TNKS: variants seen among roughly 807,000 people sequenced by gnomAD.
TNKS encodes tankyrase.
A neutral mutation model predicts 135.8 loss-of-function variants in TNKS; 72 were observed. The ratio of observed to expected loss-of-function variants is 0.53; its 90% confidence interval spans 0.44 to 0.64. The LOEUF is 0.64. TNKS is among the 30% of genes least tolerant of loss of function. TNKS has a pLI of 0.00. For missense variants in TNKS, 1,769 were observed against 1,674.0 expected (o/e 1.06, Z -0.99); for synonymous variants, 849 against 649.3 (o/e 1.31, Z -4.68).
At chr8:9,763,557 A>G (rs1002891661) in intron 22 of TNKS, among the ~76,000 whole-genome samples, 1 of 152,236 alleles carries the variant, frequency 6.6e-6, no homozygotes, top group African/African-American at 2.4e-5. Context: ...CCACCTAAGA[A>G]TGACATAGAA....
At chr8:9,674,063 T>G (rs1802427035) in intron 3 of TNKS, among the ~76,000 whole-genome samples, 1 of 152,244 alleles carries the variant, frequency 6.6e-6, no homozygotes, top group Non-Finnish European at 1.5e-5. Context: ...CAGGTACTAC[T>G]TTTTATAACA....
At chr8:9,727,827 G>A (rs563796785) in intron 13 of TNKS, among the ~76,000 whole-genome samples, 2 of 152,208 alleles carry the variant, frequency 1.3e-5, no homozygotes, top group East Asian at 1.9e-4. Flanking sequence ...TCCAACTTAC[G>A]ATAGCATCTA....
Position 9,767,867 on chromosome 8 carries a change from G to A in TNKS, c.3740+1442G>A, listed in dbSNP as rs566308199. Among the ~76,000 whole-genome samples the A allele has an allele frequency of 1.3e-3, 202 of 151,368 alleles. 1 individual carries two copies. The highest frequency in any genetic ancestry group is 4.0e-3 in the South Asian group (19 of 4,798). On this transcript the variant is annotated intron_variant, in intron 25 of 26. Coordinates refer to ENST00000310430, the MANE Select transcript of TNKS (RefSeq NM_003747.3). ...CAAGCTACTCGGGAGGCTGAGGCAG[G>A]AGAATGGTGAGTACCCAGGAGGCGG...
In TNKS at chr8:9,780,008, G is replaced by C. The variant is rs930379254; in HGVS notation, c.*3272G>C. The C allele has an allele frequency of 6.6e-6, 1 of 152,210 alleles. No individual in the cohort carries two copies. Among genetic ancestry groups the C allele is most frequent in the Non-Finnish European group, 1.5e-5 (1 of 68,032 alleles). The allele number at this position is 152,210 out of a possible 1,614,324, so 9.4% of individuals were successfully genotyped here. ...CTCTCAAAATACAAAGTGCATTGAAGTATACAGAGAAATGCCTGAATATGG... is the reference window on the plus strand; with the variant it reads ...CTCTCAAAATACAAAGTGCATTGAACTATACAGAGAAATGCCTGAATATGG... On this transcript the variant is annotated 3_prime_UTR_variant, in exon 27 of 27. Coordinates refer to ENST00000310430, the MANE Select transcript of TNKS (RefSeq NM_003747.3).
intron 3 of TNKS, among the ~76,000 whole-genome samples, chr8:9,631,456 T>A (rs927055257): frequency 5.9e-5 from 9 of 152,240 alleles, no homozygotes; most frequent in Non-Finnish European, 1.5e-5. Flanking sequence ...AATTATTCTA[T>A]AAAATAAGTT....
chr8:9,691,081 T>C (rs1291867633), intron 5 of TNKS, among the ~76,000 whole-genome samples: 1 of 152,178 alleles, frequency 6.6e-6, no homozygotes, highest in Non-Finnish European at 1.5e-5. Flanking sequence ...TAAGAAGGGA[T>C]ATTGACCAAC....
intron 3 of TNKS, among the ~76,000 whole-genome samples, chr8:9,659,555 A>T (rs1231499154): frequency 1.3e-5 from 2 of 152,208 alleles, no homozygotes; most frequent in African/African-American, 4.8e-5. Flanking sequence ...AAGACACAAC[A>T]TACCAGAATC....
chr8:9,588,528 G>C (rs934599944), intron 2 of TNKS, among the ~76,000 whole-genome samples: 1 of 152,110 alleles, frequency 6.6e-6, no homozygotes, highest in Non-Finnish European at 1.5e-5. Flanking sequence ...CGCCCACCTC[G>C]GCGTTCCAAA....
intron 17 of TNKS, among the ~76,000 whole-genome samples, chr8:9,747,261 C>A (rs1003213501): frequency 1.5e-5 from 2 of 137,846 alleles, no homozygotes; most frequent in African/African-American, 5.3e-5. Context: ...CCCCTCCTTC[C>A]CCCCCTCAAA....
chr8:9,585,426 G>C (rs1031207241), intron 2 of TNKS, among the ~76,000 whole-genome samples: 1 of 152,124 alleles, frequency 6.6e-6, no homozygotes, highest in Non-Finnish European at 1.5e-5. Flanking sequence ...AACCTATCTT[G>C]AGATTGAAAA....
intron 1 of TNKS, among the ~76,000 whole-genome samples, chr8:9,563,743 G>C (rs564361063): frequency 2.0e-5 from 3 of 152,170 alleles, no homozygotes; most frequent in African/African-American, 7.2e-5. Context: ...TTTAGCTAGT[G>C]TTAAAATAAT....
intron 11 of TNKS, among the ~76,000 whole-genome samples, chr8:9,719,443 T>C (rs1804760871): frequency 6.6e-6 from 1 of 152,198 alleles, no homozygotes; most frequent in Admixed American, 6.5e-5. Flanking sequence ...TCAATAACCT[T>C]AGTTTAACTC....
chr8:9,721,632 C>T (rs1313816856), intron 12 of TNKS, among the ~76,000 whole-genome samples: 1 of 148,636 alleles, frequency 6.7e-6, no homozygotes, highest in African/African-American at 2.4e-5. Context: ...TAGTTCTTAA[C>T]TCTATCAGGT....
intron 3 of TNKS, among the ~76,000 whole-genome samples, chr8:9,623,242 C>T (rs1799931142): frequency 1.3e-5 from 2 of 152,154 alleles, no homozygotes; most frequent in African/African-American, 4.8e-5. Context: ...CCTAAAACAA[C>T]TAGACTCTGT....
intron 3 of TNKS, among the ~76,000 whole-genome samples, chr8:9,671,829 C>T (rs907162534): frequency 6.6e-6 from 1 of 152,212 alleles, no homozygotes; most frequent in African/African-American, 2.4e-5. Context: ...TTCAAGGTTT[C>T]AGTGACCTGT....
chr8:9,753,312 G>T (rs949773707), intron 20 of TNKS, among the ~76,000 whole-genome samples: 4 of 152,126 alleles, frequency 2.6e-5, no homozygotes, highest in Admixed American at 2.6e-4. Context: ...CATTAATTTG[G>T]AAAGCACAGT....
At chr8:9,762,211 CCT>C (rs10553940) in intron 21 of TNKS, among the ~76,000 whole-genome samples, 15,451 of 152,096 alleles carry the variant, frequency 0.1, 1,021 homozygotes, top group African/African-American at 0.18. Context: ...GCCTCTTTCC[CCT>C]CTGTTTTTAC....
intron 11 of TNKS, among the ~76,000 whole-genome samples, chr8:9,714,348 A>C (rs2128810454): frequency 6.6e-6 from 1 of 152,134 alleles, no homozygotes; most frequent in African/African-American, 2.4e-5. Context: ...TTTTTTAATC[A>C]AATGAGCATA....
intron 13 of TNKS, 118 bp downstream of exon 13, chr8:9,726,838 T>C (rs527331608): frequency 2.4e-6 from 2 of 816,384 alleles, no homozygotes; most frequent in African/African-American, 1.7e-5. Context: ...AACAGAGTCA[T>C]GGGCAGGAAA....
Sources: gnomAD v4.1 joint callset for allele counts (sites outside exome capture counted in the v4.1 genomes callset) on GRCh38, gnomAD v4.1.1 for gene constraint, MANE v1.5 for transcripts, NCBI Gene and HGNC (gene_info 2026-07-23, HGNC 2026-07-21) for gene names.